ESRRG: variants seen among roughly 807,000 people sequenced by gnomAD.
ESRRG encodes the protein estrogen-related receptor gamma.
Under a neutral mutation model 44.0 loss-of-function variants are expected in ESRRG, and 13 were observed. That is an observed-to-expected ratio of 0.30 (90% CI 0.19 to 0.47). The LOEUF is 0.47. Ranked by LOEUF, ESRRG falls within the 20% of genes least tolerant of loss-of-function variation. ESRRG has a pLI of 1.00. For missense variants in ESRRG, 395 were observed against 580.6 expected, an observed-to-expected ratio of 0.68 and a Z score of 3.29; for synonymous variants, 215 against 214.6, an observed-to-expected ratio of 1.00 and a Z score of -0.02.
At chr1:216,749,830 G>A (rs1013382523) in intron 2 of ESRRG, among the ~76,000 whole-genome samples, 1 of 152,018 alleles carries the variant, frequency 6.6e-6, no homozygotes, top group Non-Finnish European at 1.5e-5. Context: ...GCAAATAGAG[G>A]TTTATCAAAA....
chr1:216,561,054 A>G (rs2058633040), intron 5 of ESRRG, among the ~76,000 whole-genome samples: 1 of 152,106 alleles, frequency 6.6e-6, no homozygotes, highest in Non-Finnish European at 1.5e-5. Flanking sequence ...TCTTCTAGAG[A>G]TAAAGTATGG....
chr1:217,055,510 A>C (rs2086898534), intron 1 of ESRRG, among the ~76,000 whole-genome samples: 1 of 152,090 alleles, frequency 6.6e-6, no homozygotes, highest in South Asian at 2.1e-4. Flanking sequence ...TAACATTTCC[A>C]CTTAACACCC....
At chr1:216,775,551 CTTTTTTTTTTTTTTTTTTTTTT>C (rs71163765) in intron 2 of ESRRG, among the ~76,000 whole-genome samples, 23,092 of 74,934 alleles carry the variant, frequency 0.31, 2,968 homozygotes, top group Admixed American at 0.46. Context: ...AATGTCACAT[CTTTTTTTTTTTTTTTTTTTTTT>C]TTTTTTTTTT....
intron 1 of ESRRG, among the ~76,000 whole-genome samples, chr1:216,976,782 CTG>C (rs1262152104): frequency 6.6e-6 from 1 of 152,134 alleles, no homozygotes; most frequent in Non-Finnish European, 1.5e-5. Context: ...TCAAATGAGT[CTG>C]TCTTTCCTCC....
chr1:217,068,436 C>A (rs1365893570), intron 1 of ESRRG, among the ~76,000 whole-genome samples: 2 of 151,888 alleles, frequency 1.3e-5, no homozygotes, highest in African/African-American at 2.4e-5. Context: ...CTCTCCTGCA[C>A]CAACCCTCTT....
In ESRRG at chr1:216,899,974, C is replaced by T. The variant is rs1253183426; in HGVS notation, c.-14+39608G>A. ...TGTCTTATGCATAAGGCTTGTACAT[C>T]AGAATCACTCACTGTATATCACAAT... On this transcript the variant is annotated intron_variant, in intron 2 of 7. Transcript: ENST00000359162. Among the ~76,000 whole-genome samples the T allele has an allele frequency of 2.6e-5, 4 of 152,300 alleles. No individual in the cohort carries two copies. In the East Asian group the frequency reaches 5.8e-4, roughly 22 times the overall value.
At chr1:217,088,328 A>T (rs1009885850) in intron 1 of ESRRG, among the ~76,000 whole-genome samples, 1 of 151,104 alleles carries the variant, frequency 6.6e-6, no homozygotes, top group Admixed American at 6.6e-5. Flanking sequence ...GTGTTTTGAA[A>T]GTAGTAGGAG....
chr1:217,123,426 C>T (rs994677069), intron 1 of ESRRG, among the ~76,000 whole-genome samples: 3 of 152,078 alleles, frequency 2.0e-5, no homozygotes, highest in African/African-American at 7.2e-5. Flanking sequence ...TTTTCTGCTC[C>T]ACCAGTTCCA....
Position 216,623,201 on chromosome 1 carries a change from G to A in ESRRG, c.589+27772C>T, listed in dbSNP as rs547423941. 5.4e-5 allele frequency among the ~76,000 whole-genome samples: 8 copies of A among 146,930 alleles called. No individual in the cohort carries two copies. The East Asian group carries it at 1.5e-3, about 27-fold the overall frequency. ...GGGTTCACGCCATTCTCCTGCCTCA[G>A]CCTCCCGAGTTGCTGGGACTACAGG... On this transcript the variant is annotated intron_variant, in intron 3 of 6. Transcript: ENST00000408911.
At chr1:216,762,906 T>C (rs2092874681) in intron 2 of ESRRG, among the ~76,000 whole-genome samples, 1 of 152,074 alleles carries the variant, frequency 6.6e-6, no homozygotes, top group South Asian at 2.1e-4. Flanking sequence ...ATTATTCATA[T>C]GAAATTCTCA....
intron 1 of ESRRG, among the ~76,000 whole-genome samples, chr1:217,120,799 G>T (rs1205623455): frequency 6.6e-6 from 1 of 152,004 alleles, no homozygotes; most frequent in East Asian, 1.9e-4. Flanking sequence ...CCCTTAGTAG[G>T]CCTCCTATAA....
chr1:216,586,866 C>A (rs530217115), intron 3 of ESRRG, among the ~76,000 whole-genome samples: 146 of 152,150 alleles, frequency 9.6e-4, no homozygotes, highest in African/African-American at 3.4e-3. Flanking sequence ...AGTGAGCCAC[C>A]ACATCTGGCC....
At chr1:216,946,856 T>C (rs1360728374) in intron 1 of ESRRG, among the ~76,000 whole-genome samples, 2 of 151,978 alleles carry the variant, frequency 1.3e-5, no homozygotes, top group Non-Finnish European at 2.9e-5. Flanking sequence ...CCTACCACCA[T>C]GCCCAGCTAA....
At chr1:216,637,978 C>A (rs563075512) in intron 3 of ESRRG, among the ~76,000 whole-genome samples, 1 of 151,612 alleles carries the variant, frequency 6.6e-6, no homozygotes, top group African/African-American at 2.4e-5. Context: ...TACAAAAATG[C>A]AACTGAAAAG....
intron 1 of ESRRG, among the ~76,000 whole-genome samples, chr1:217,105,867 T>A (rs1167807312): frequency 2.0e-5 from 3 of 152,166 alleles, no homozygotes; most frequent in Non-Finnish European, 4.4e-5. Flanking sequence ...GTGAAAACGT[T>A]GGAGGCCATG....
At chr1:216,542,471 A>G (rs1439899593) in intron 5 of ESRRG, among the ~76,000 whole-genome samples, 1 of 152,010 alleles carries the variant, frequency 6.6e-6, no homozygotes, top group Non-Finnish European at 1.5e-5. Context: ...CATCACACAT[A>G]TCCCTGGAAT....
chr1:216,980,888 C>A (rs76319286), intron 1 of ESRRG, among the ~76,000 whole-genome samples: 1 of 145,054 alleles, frequency 6.9e-6, no homozygotes, highest in East Asian at 2.0e-4. Context: ...ACAGGTCAGG[C>A]GGTCTCCTGC....
rs565196867 is a variant in ESRRG, at chr1:217,133,860, GCTGAGAGATA to G, written c.-230+3797_-230+3806del. Among the ~76,000 whole-genome samples, 6 of 152,110 alleles carry G rather than the reference GCTGAGAGATA, an allele frequency of 3.9e-5. No individual in the cohort carries two copies. The East Asian group carries it at 1.2e-3, about 29-fold the overall frequency. On this transcript the variant is annotated intron_variant, in intron 1 of 8. Coordinates refer to the ESRRG transcript ENST00000366940. ...AGCGCATTTACAGTTGGGGAATGGG[GCTGAGAGATA>G]CTGAGACATCGCACCTCCAGCACCT...
intron 2 of ESRRG, among the ~76,000 whole-genome samples, chr1:216,784,409 T>G (rs1364793837): frequency 6.6e-6 from 1 of 152,052 alleles, no homozygotes; most frequent in African/African-American, 2.4e-5. Flanking sequence ...TCATGAGTCA[T>G]AGTAAAAGAA....
Sources: allele counts gnomAD v4.1 joint callset (sites outside exome capture counted in the v4.1 genomes callset), GRCh38; gene constraint gnomAD v4.1.1; transcripts MANE v1.5; gene names NCBI Gene and HGNC (gene_info 2026-07-23, HGNC 2026-07-21).